Variants in TLE6 observed in about 807,000 individuals in gnomAD.
The protein encoded by TLE6 is transducin-like enhancer protein 6.
TLE6 carries 72 observed loss-of-function variants against 77.1 expected under a neutral mutation model. That is an observed-to-expected ratio of 0.93 (90% CI 0.77 to 1.14). TLE6 has a LOEUF of 1.14. TLE6 is among the 50% of genes most tolerant of loss of function. The pLI is 0.00. For synonymous variants in TLE6, 366 were observed against 287.3 expected (o/e 1.27, Z -2.77); for missense variants, 843 against 747.6 (o/e 1.13, Z -1.49).
intron 13 of TLE6, among the ~76,000 whole-genome samples, chr19:2,991,045 T>TACATACATAC (rs1568217673): frequency 1.4e-4 from 18 of 130,066 alleles, no homozygotes; most frequent in African/African-American, 6.3e-4. Flanking sequence ...TACATACATA[T>TACATACATAC]ATGTATACAC....
In TLE6 at chr19:2,987,239, G is replaced by GT; in HGVS notation, c.541+2dup. 6.2e-7 allele frequency: 1 copy of GT among 1,614,186 alleles called. No homozygotes were observed. The highest frequency in any genetic ancestry group is 8.5e-7 in the Non-Finnish European group (1 of 1,180,018). ...GAGAAGGCAAAGCCCAGAGACAGAC[G>GT]TGAGTGTCCCTGAGGGTGAGGGGGA... On this transcript the variant is annotated splice_donor_variant, in intron 7 of 16. Transcript: ENST00000246112. LOFTEE classifies it high-confidence loss of function.
chr19:2,989,304 G>A lies in TLE6; in HGVS notation c.984G>A (p.Leu328=). The change falls in exon 12 of 17, where the codon CTG becomes CTA. Residue 328 remains leucine, a synonymous_variant. Coordinates refer to ENST00000246112, the MANE Select transcript of TLE6 (RefSeq NM_001143986.2). ...VAEDRFPESH[L]PIQTPGAFLR... ...AGGACAGGTTCCCTGAGAGCCACCTGCCTATACAGGTGAGGACGGCCTTGG... is the reference window on the plus strand; with the variant it reads ...AGGACAGGTTCCCTGAGAGCCACCTACCTATACAGGTGAGGACGGCCTTGG... 1.2e-6 allele frequency: 2 copies of A among 1,613,226 alleles called. No individual in the cohort carries two copies. Among genetic ancestry groups the A allele is most frequent in the South Asian group, 1.1e-5 (1 of 91,082 alleles).
At chr19:2,987,568 G>A in intron 8 of TLE6, 156 bp from the exon 9 acceptor site, 1 of 1,096,734 alleles carries the variant, frequency 9.1e-7, no homozygotes, top group Non-Finnish European at 1.4e-6. Flanking sequence ...GGGCTTCCAG[G>A]ACCCTATACC....
chr19:2,981,883 AATC>A (rs2088805450), intron 4 of TLE6, among the ~76,000 whole-genome samples: 3 of 151,582 alleles, frequency 2.0e-5, no homozygotes, highest in African/African-American at 7.3e-5. Context: ...GAGGCAGGAG[AATC>A]GCTTGAGCCC....
At chr19:2,993,033 A>AC (rs1308255904) in intron 14 of TLE6, among the ~76,000 whole-genome samples, 5 of 147,750 alleles carry the variant, frequency 3.4e-5, no homozygotes, top group African/African-American at 1.0e-4. Context: ...TACTAAAAAA[A>AC]AAAAAAAAAA....
At chr19:2,980,931 G>C (rs1198790503) in intron 3 of TLE6, among the ~76,000 whole-genome samples, 1 of 151,508 alleles carries the variant, frequency 6.6e-6, no homozygotes, top group Non-Finnish European at 1.5e-5. Context: ...CACACCTGTA[G>C]TCCCAGCTAC....
In TLE6 at chr19:2,994,084, A is replaced by C; in HGVS notation, c.1603A>C (p.Lys535Gln). Residue 535 changes from lysine to glutamine, a missense_variant, in exon 16 of 17, where the codon AAA becomes CAA. Lys to Gln is a moderately conservative substitution (Grantham distance 53, BLOSUM62 1). Transcript: ENST00000246112. ...LGVYSMPAGT[K>Q]VFEVPEMSPV... Reference sequence around the variant, plus strand: ...CGTCTACAGCATGCCGGCGGGGACAAAAGTGTTCGAGGTACTGCGGTGGGC... The same window carrying C: ...CGTCTACAGCATGCCGGCGGGGACACAAGTGTTCGAGGTACTGCGGTGGGC... The C allele has an allele frequency of 6.3e-7, 1 of 1,599,802 alleles. No homozygotes were observed. Among genetic ancestry groups the C allele is most frequent in the Non-Finnish European group, 8.5e-7 (1 of 1,175,094 alleles).
At chr19:2,991,747 C>T (rs1240775087) in intron 13 of TLE6, 96 bp from the exon 14 acceptor site, 1 of 1,254,854 alleles carries the variant, frequency 8.0e-7, no homozygotes, top group Non-Finnish European at 1.1e-6. Flanking sequence ...GGTGGTGGCA[C>T]TGTCCCTTTC....
chr19:2,983,395 G>A (rs926822354), intron 5 of TLE6, among the ~76,000 whole-genome samples: 1 of 152,080 alleles, frequency 6.6e-6, no homozygotes, highest in Non-Finnish European at 1.5e-5. Flanking sequence ...GGGAGGCCAG[G>A]GTGGGCGAGG....
intron 5 of TLE6, among the ~76,000 whole-genome samples, chr19:2,986,047 C>G (rs2088901681): frequency 8.1e-6 from 1 of 122,914 alleles, no homozygotes; most frequent in African/African-American, 3.2e-5. Flanking sequence ...GCACTCCTGC[C>G]TGGGCCACAG....
chr19:2,991,940 C>G lies in TLE6; in HGVS notation c.1342C>G (p.Gln448Glu). 6.2e-7 allele frequency: 1 copy of G among 1,613,890 alleles called. No individual in the cohort carries two copies. The highest frequency in any genetic ancestry group is 8.5e-7 in the Non-Finnish European group (1 of 1,180,004). The change falls in exon 14 of 17, where the codon CAG becomes GAG. Residue 448 changes from glutamine to glutamate, a missense_variant. Transcript: ENST00000246112. ...GGATGCCTGTCTGCGGTGCTGGGAC[C>G]AGAGGACCATCATGAAACCTCTGGA... ...GPDACLRCWDQRTIMKPLEYQ... is the reference protein window; with the variant it reads ...GPDACLRCWDERTIMKPLEYQ...
chr19:2,986,528 ACATGGTGAAACCC>A (rs2088914493), intron 5 of TLE6, among the ~76,000 whole-genome samples: 1 of 152,002 alleles, frequency 6.6e-6, no homozygotes, highest in Admixed American at 6.6e-5. Flanking sequence ...AGCCTGGCCA[ACATGGTGAAACCC>A]CATCTTTACT....
Position 2,992,774 on chromosome 19 carries a change from T to C in TLE6, c.1387-658T>C, listed in dbSNP as rs557545890. On this transcript the variant is annotated intron_variant, in intron 14 of 16. Transcript: ENST00000246112. Reference sequence around the variant, plus strand: ...CAGCCTGGGTGACAGAGTGAGACCCTGTCTCAAAAAAAAAAAAAAGGGGGG... The same window carrying C: ...CAGCCTGGGTGACAGAGTGAGACCCCGTCTCAAAAAAAAAAAAAAGGGGGG... Among the ~76,000 whole-genome samples, 27 of 77,040 alleles carry C rather than the reference T, an allele frequency of 3.5e-4. 1 individual carries two copies. Among genetic ancestry groups the C allele is most frequent in the African/African-American group, 1.4e-3 (26 of 18,716 alleles). 50.5% of individuals were successfully genotyped at this position (77,040 alleles called of 152,430 possible). A position where few individuals can be genotyped will look rare whatever the true frequency, so the allele number is the denominator to read the frequency against.
Position 2,980,170 on chromosome 19 carries a change from A to T in TLE6, c.122A>T (p.Lys41Met). The change falls in exon 3 of 17, where the codon AAG becomes ATG. Residue 41 changes from lysine to methionine, a missense_variant. Lys to Met is a moderately conservative substitution (Grantham distance 95, BLOSUM62 -1). Coordinates refer to ENST00000246112, the MANE Select transcript of TLE6 (RefSeq NM_001143986.2). Reference protein sequence around the residue: ...LNYQGILNRLKQFPRFSPHFA... With the variant: ...LNYQGILNRLMQFPRFSPHFA... ...TATCAGGGCATTCTAAATCGGCTCA[A>T]GCAGTTCCCCAGGTGAGAGCAATTC... 2 of 1,548,052 alleles carry T rather than the reference A, an allele frequency of 1.3e-6. No homozygotes were observed. The highest frequency in any genetic ancestry group is 1.7e-6 in the Non-Finnish European group (2 of 1,144,762).
chr19:2,993,227 C>T (rs542570554), intron 14 of TLE6, among the ~76,000 whole-genome samples: 1 of 152,204 alleles, frequency 6.6e-6, no homozygotes, highest in East Asian at 1.9e-4. Context: ...AACACTCATG[C>T]TGTATCAGGT....
At chr19:2,994,801 C>A in intron 16 of TLE6, 99 bp from the exon 17 acceptor site, 1 of 682,042 alleles carries the variant, frequency 1.5e-6, no homozygotes, top group Non-Finnish European at 2.5e-6. Context: ...AAGACCCTGT[C>A]TTTCTTTGAA....
At position 2,987,109 on chromosome 19, in the gene TLE6, G is replaced by A. The variant is rs1396734518; in HGVS notation, c.412G>A (p.Glu138Lys). ...SSDWLRRPLG[E>K]DNQPETQLFW... ...CGACTGGCTCCGGCGGCCTTTGGGG[G>A]AGGACAATCAGCCGGAGACCCAGCT... Residue 138 changes from glutamate (E) to lysine (K), a missense_variant, in exon 7 of 17, where the codon GAG becomes AAG. Transcript: ENST00000246112. 6.2e-7 allele frequency: 1 copy of A among 1,614,162 alleles called. No homozygotes were observed. Among genetic ancestry groups the A allele is most frequent in the Non-Finnish European group, 8.5e-7 (1 of 1,180,036 alleles).
At chr19:2,994,865 C>A in intron 16 of TLE6, 35 bp from the exon 17 acceptor site, 1 of 1,339,602 alleles carries the variant, frequency 7.5e-7, no homozygotes, top group East Asian at 2.4e-5. Flanking sequence ...TGTGTGAGCC[C>A]TACCCCAGCT....
intron 15 of TLE6, among the ~76,000 whole-genome samples, chr19:2,993,794 T>TCCGCCTCCGC (rs2089141840): frequency 6.9e-6 from 1 of 145,290 alleles, no homozygotes. Flanking sequence ...ACCGGCGCGG[T>TCCGCCTCCGC]CCGCCTCCGC....
Sources: allele counts gnomAD v4.1 joint callset (sites outside exome capture counted in the v4.1 genomes callset), GRCh38; gene constraint gnomAD v4.1.1; transcripts MANE v1.5; gene names NCBI Gene and HGNC (gene_info 2026-07-23, HGNC 2026-07-21).